SLC24A2: variants seen among roughly 807,000 people sequenced by gnomAD.
SLC24A2 encodes solute carrier family 24 member 2, also known as sodium/potassium/calcium exchanger 2.
Under a neutral mutation model 62.0 loss-of-function variants are expected in SLC24A2, and 36 were observed. That is an observed-to-expected ratio of 0.58 (90% CI 0.44 to 0.77). SLC24A2 has a LOEUF of 0.77. SLC24A2 is among the 30% of genes least tolerant of loss of function. The pLI is 0.00. For missense variants in SLC24A2, 846 were observed against 817.9 expected, an observed-to-expected ratio of 1.03 and a Z score of -0.42; for synonymous variants, 358 against 294.0, an observed-to-expected ratio of 1.22 and a Z score of -2.23.
the SLC24A2 span, among the ~76,000 whole-genome samples, chr9:19,832,985 A>C: frequency 1.4e-5 from 2 of 145,946 alleles, no homozygotes; most frequent in South Asian, 4.4e-4. Context: ...AAGACACATG[A>C]AAAAATGCTC....
chr9:20,018,941 G>A, the SLC24A2 span, among the ~76,000 whole-genome samples: 4 of 151,952 alleles, frequency 2.6e-5, no homozygotes, highest in African/African-American at 4.8e-5. Flanking sequence ...GTGTGCACCT[G>A]TCATCTCAGC....
intron 2 of SLC24A2, among the ~76,000 whole-genome samples, chr9:19,706,280 T>G (rs13295700): frequency 0.32 from 48,281 of 151,382 alleles, 8,126 homozygotes; most frequent in African/African-American, 0.44. Flanking sequence ...GTTTTCCATT[T>G]GCTTGGTAGA....
the SLC24A2 span, among the ~76,000 whole-genome samples, chr9:19,894,392 C>T: frequency 6.6e-5 from 10 of 152,164 alleles, no homozygotes; most frequent in Admixed American, 4.6e-4. Flanking sequence ...ATTTTGAATA[C>T]GTTTATATAT....
the SLC24A2 span, among the ~76,000 whole-genome samples, chr9:19,962,170 T>C: frequency 1.3e-5 from 2 of 152,240 alleles, no homozygotes; most frequent in African/African-American, 4.8e-5. Context: ...GCAGTGTGAC[T>C]GTCTTCAAAT....
chr9:20,173,768 T>C, the SLC24A2 span, among the ~76,000 whole-genome samples: 1,968 of 152,066 alleles, frequency 0.013, 21 homozygotes, highest in Non-Finnish European at 0.02. Flanking sequence ...AAAATAAACA[T>C]ACTGTCAAAA....
chr9:19,573,661 C>T (rs1457595467), intron 6 of SLC24A2, among the ~76,000 whole-genome samples, 192 bp from the exon 7 acceptor site: 2 of 152,076 alleles, frequency 1.3e-5, no homozygotes, highest in Non-Finnish European at 2.9e-5. Flanking sequence ...AGGCCCAGGG[C>T]TGATATTGAG....
chr9:19,903,453 A>G, the SLC24A2 span, among the ~76,000 whole-genome samples: 1 of 152,168 alleles, frequency 6.6e-6, no homozygotes, highest in Non-Finnish European at 1.5e-5. Context: ...ATACCACCAC[A>G]TTGGGGATTA....
chr9:20,133,537 T>C, the SLC24A2 span, among the ~76,000 whole-genome samples: 3 of 152,272 alleles, frequency 2.0e-5, no homozygotes, highest in Admixed American at 6.5e-5. Context: ...ACAAAGCTAA[T>C]ATGCAGTTTC....
the SLC24A2 span, among the ~76,000 whole-genome samples, chr9:20,072,241 A>T: frequency 8.5e-5 from 13 of 152,214 alleles, no homozygotes; most frequent in East Asian, 1.7e-3. Context: ...ATCTGTTTAG[A>T]TCCTTCTTGG....
At chr9:20,297,846 C>G in the SLC24A2 span, among the ~76,000 whole-genome samples, 1 of 152,232 alleles carries the variant, frequency 6.6e-6, no homozygotes, top group South Asian at 2.1e-4. Context: ...CAGCCCCACG[C>G]TCCACCCCCA....
the SLC24A2 span, among the ~76,000 whole-genome samples, chr9:20,123,603 A>G: frequency 1.3e-5 from 2 of 152,236 alleles, no homozygotes; most frequent in African/African-American, 4.8e-5. Context: ...TACATTTTCT[A>G]TAACTGTACA....
chr9:20,197,464 C>A, the SLC24A2 span, among the ~76,000 whole-genome samples: 1 of 127,932 alleles, frequency 7.8e-6, no homozygotes, highest in African/African-American at 3.0e-5. Flanking sequence ...CTGGGTCTCA[C>A]TCTGTTACCC....
the SLC24A2 span, among the ~76,000 whole-genome samples, chr9:20,065,504 A>G: frequency 6.6e-6 from 1 of 152,248 alleles, no homozygotes; most frequent in African/African-American, 2.4e-5. Flanking sequence ...ACGTTTCTCA[A>G]GGGCCCACAT....
At chr9:20,257,383 G>T in the SLC24A2 span, among the ~76,000 whole-genome samples, 5 of 152,190 alleles carry the variant, frequency 3.3e-5, no homozygotes, top group African/African-American at 9.6e-5. Flanking sequence ...CAGTCAAATT[G>T]TAAGTCCTGG....
chr9:20,118,034 T>C, the SLC24A2 span, among the ~76,000 whole-genome samples: 1 of 152,126 alleles, frequency 6.6e-6, no homozygotes, highest in Admixed American at 6.6e-5. Flanking sequence ...CATCTTTATA[T>C]TAAATTATTA....
At chr9:19,824,540 G>A in the SLC24A2 span, among the ~76,000 whole-genome samples, 93 of 152,258 alleles carry the variant, frequency 6.1e-4, no homozygotes, top group African/African-American at 2.0e-3. Flanking sequence ...GCAAGGCTGT[G>A]GAGAAATGGG....
chr9:19,597,327 G>A, intron 4 of SLC24A2, 48 bp from the exon 5 acceptor site: 1 of 1,228,908 alleles, frequency 8.1e-7, no homozygotes, highest in Non-Finnish European at 1.2e-6. Context: ...GAGCTATAAT[G>A]CAAGAACTTT....
Position 19,775,526 on chromosome 9 carries a change from T to C in SLC24A2, c.930+10411A>G, listed in dbSNP as rs1044560992. 3.3e-5 allele frequency among the ~76,000 whole-genome samples: 5 copies of C among 152,366 alleles called. No individual in the cohort carries two copies. In the East Asian group the frequency reaches 7.7e-4, roughly 23 times the overall value. On this transcript the variant is annotated intron_variant, in intron 2 of 10. Coordinates refer to ENST00000341998, the MANE Select transcript of SLC24A2 (RefSeq NM_020344.4). Reference sequence around the variant, plus strand: ...GCCAAATGGACATAGATGGTGTGTGTGCTTGGAGAGGAAGCATTGATGATG... The same window carrying C: ...GCCAAATGGACATAGATGGTGTGTGCGCTTGGAGAGGAAGCATTGATGATG...
chr9:19,990,922 GATAT>G, the SLC24A2 span, among the ~76,000 whole-genome samples: 13 of 120,774 alleles, frequency 1.1e-4, no homozygotes, highest in South Asian at 2.5e-4. Flanking sequence ...GGACTAATAG[GATAT>G]ATATATATAT....
Sources: gnomAD v4.1 joint callset for allele counts (sites outside exome capture counted in the v4.1 genomes callset) on GRCh38, gnomAD v4.1.1 for gene constraint, MANE v1.5 for transcripts, NCBI Gene and HGNC (gene_info 2026-07-23, HGNC 2026-07-21) for gene names.